Variants in OXCT1 observed in about 807,000 individuals in gnomAD.
OXCT1 encodes the protein succinyl-CoA:3-ketoacid coenzyme A transferase 1, mitochondrial.
Under a neutral mutation model 69.6 loss-of-function variants are expected in OXCT1, and 27 were observed. The ratio of observed to expected loss-of-function variants is 0.39; its 90% CI spans 0.29 to 0.54. OXCT1 has a LOEUF of 0.54. Ranked by LOEUF, OXCT1 falls within the 20% of genes least tolerant of loss-of-function variation. The pLI is 0.72. For missense variants in OXCT1, 437 were observed against 650.2 expected, an observed-to-expected ratio of 0.67 and a Z score of 3.57; for synonymous variants, 202 against 217.8, an observed-to-expected ratio of 0.93 and a Z score of 0.64.
intron 14 of OXCT1, among the ~76,000 whole-genome samples, chr5:41,751,539 A>G (rs1460550116): frequency 6.6e-6 from 1 of 152,138 alleles, no homozygotes; most frequent in Non-Finnish European, 1.5e-5. Context: ...CTGTCTCTGT[A>G]AGAGCCACAT....
rs777420070 is a variant in OXCT1 at position 41,786,121 on chromosome 5, G to A, written c.1248+7882C>T. 2.6e-5 allele frequency among the ~76,000 whole-genome samples: 4 copies of A among 152,166 alleles called. 1 individual carries two copies. ...GGACTCCACCGGTAAGAGTCTATAT[G>A]TTAAGTGGACCGCAGGAAAGTCAGA... On this transcript the variant is annotated intron_variant, in intron 13 of 16. Coordinates refer to ENST00000196371, the MANE Select transcript of OXCT1 (RefSeq NM_000436.4).
intron 7 of OXCT1, among the ~76,000 whole-genome samples, chr5:41,811,530 A>G (rs1746986557): frequency 1.3e-5 from 2 of 152,066 alleles, no homozygotes; most frequent in South Asian, 2.1e-4. Flanking sequence ...AATGAAGAGA[A>G]AAAATCCAAA....
At chr5:41,815,880 G>A (rs1747218076) in intron 7 of OXCT1, among the ~76,000 whole-genome samples, 1 of 152,158 alleles carries the variant, frequency 6.6e-6, no homozygotes, top group Admixed American at 6.5e-5. Flanking sequence ...TATTGGTAAT[G>A]CCAACTAAAA....
rs76740840 is a variant in OXCT1, at chr5:41,856,169, A to G, written c.279-2615T>C. 2.7e-3 allele frequency among the ~76,000 whole-genome samples: 410 copies of G among 152,350 alleles called. 2 individuals are homozygous for G. Among genetic ancestry groups the G allele is most frequent in the Middle Eastern group, 0.01 (3 of 294 alleles). ...TTGAAAGATGAAAGGCCGGGATATC[A>G]ATGAAGAGGCTCGAAGTAGTCCAAA... On this transcript the variant is annotated intron_variant, in intron 3 of 16. Transcript: ENST00000196371.
chr5:41,753,120 C>A (rs1394151627), intron 14 of OXCT1, among the ~76,000 whole-genome samples: 1 of 152,056 alleles, frequency 6.6e-6, no homozygotes, highest in African/African-American at 2.4e-5. Flanking sequence ...TGAACTTAAT[C>A]CCAAATCCAA....
intron 7 of OXCT1, among the ~76,000 whole-genome samples, chr5:41,818,922 T>TA (rs373863048): frequency 4.4e-4 from 64 of 143,874 alleles, no homozygotes; most frequent in East Asian, 1.0e-3. Context: ...GTGACTCGTT[T>TA]AAAAAAAAAA....
chr5:41,789,026 AC>A (rs1404810370), intron 13 of OXCT1, among the ~76,000 whole-genome samples: 3 of 152,372 alleles, frequency 2.0e-5, no homozygotes, highest in Admixed American at 2.0e-4. Flanking sequence ...AATGGGTCAT[AC>A]AAAAAATAAC....
chr5:41,766,705 C>A (rs1579690853), intron 13 of OXCT1, among the ~76,000 whole-genome samples: 1 of 151,874 alleles, frequency 6.6e-6, no homozygotes, highest in Non-Finnish European at 1.5e-5. Flanking sequence ...AAATAAAGTA[C>A]AAAACACACT....
At chr5:41,734,960 A>G (rs1742813423) in intron 16 of OXCT1, among the ~76,000 whole-genome samples, 1 of 152,208 alleles carries the variant, frequency 6.6e-6, no homozygotes, top group East Asian at 1.9e-4. Context: ...GTTGGCAAAG[A>G]TATGGAGAAA....
rs771118097 is a variant in OXCT1, at chr5:41,731,171, C to A, written c.*558G>T. 1.3e-5 allele frequency: 2 copies of A among 158,686 alleles called. No individual in the cohort carries two copies. The highest frequency in any genetic ancestry group is 2.7e-5 in the Non-Finnish European group (2 of 73,024). The allele number at this position is 158,686 out of a possible 1,614,324, so 9.8% of individuals were successfully genotyped here. ...CTAGTTATTTCTCCCTGCCCTCCCC[C>A]ACAAGAGGCATTCCTGCTTGCCTTC... On this transcript the variant is annotated 3_prime_UTR_variant, in exon 17 of 17. Transcript: ENST00000196371.
chr5:41,775,002 A>G (rs758625670), intron 13 of OXCT1, among the ~76,000 whole-genome samples: 1 of 152,206 alleles, frequency 6.6e-6, no homozygotes, highest in African/African-American at 2.4e-5. Context: ...TAAACATATG[A>G]TTAAATAAAT....
Position 41,731,037 on chromosome 5 carries a change from A to T in OXCT1, c.*692T>A, listed in dbSNP as rs1742594496. On this transcript the variant is annotated 3_prime_UTR_variant, in exon 17 of 17. Transcript: ENST00000196371. ...AGGACCCTTGAGGATACAAAGGAAT[A>T]CTGGGCTGTTTTAAAATGAGAAAAC... 1 of 152,438 alleles carries T rather than the reference A, an allele frequency of 6.6e-6. No homozygotes were observed. Among genetic ancestry groups the T allele is most frequent in the Non-Finnish European group, 1.5e-5 (1 of 68,212 alleles). The allele number at this position is 152,438 out of a possible 1,614,324, so 9.4% of individuals were successfully genotyped here.
rs990482926 is a variant in OXCT1, at chr5:41,837,230, C to T, written c.732+3221G>A. ...GGAGTGGGAAGATGCTGGCACAGAGCTTTAGGAGACAAGCTCTAATCCAGA... is the reference window on the plus strand; with the variant it reads ...GGAGTGGGAAGATGCTGGCACAGAGTTTTAGGAGACAAGCTCTAATCCAGA... On this transcript the variant is annotated intron_variant, in intron 7 of 16. Coordinates refer to ENST00000196371, the MANE Select transcript of OXCT1 (RefSeq NM_000436.4). Among the ~76,000 whole-genome samples, 5 of 151,156 alleles carry T rather than the reference C, an allele frequency of 3.3e-5. No homozygotes were observed. In the South Asian group the frequency reaches 1.0e-3, roughly 32 times the overall value.
rs568166884 is a variant in OXCT1, at chr5:41,829,156, CA to C, written c.732+11294del. On this transcript the variant is annotated intron_variant, in intron 7 of 16. Coordinates refer to ENST00000196371, the MANE Select transcript of OXCT1 (RefSeq NM_000436.4). ...GGAATATGCCCTATTTTTCACGAGGCAAAAAAATTCCACCCAGATATTTCTC... is the reference window on the plus strand; with the variant it reads ...GGAATATGCCCTATTTTTCACGAGGCAAAAAATTCCACCCAGATATTTCTC... Among the ~76,000 whole-genome samples the C allele has an allele frequency of 1.2e-3, 177 of 152,054 alleles. 1 individual carries two copies. The highest frequency in any genetic ancestry group is 4.1e-3 in the African/African-American group (172 of 41,494).
chr5:41,786,006 GA>G (rs1243017746), intron 13 of OXCT1, among the ~76,000 whole-genome samples: 2 of 152,298 alleles, frequency 1.3e-5, no homozygotes, highest in Non-Finnish European at 2.9e-5. Context: ...GGCAGTAGAA[GA>G]AATGTGAGTG....
Position 41,731,337 on chromosome 5 carries a change from C to CA in OXCT1, c.*391dup, listed in dbSNP as rs1742610362. The CA allele has an allele frequency of 9.8e-7, 1 of 1,016,968 alleles. No individual in the cohort carries two copies. The highest frequency in any genetic ancestry group is 5.1e-4 in the Middle Eastern group (1 of 1,976). 63.0% of individuals were successfully genotyped at this position (1,016,968 alleles called of 1,614,324 possible). On this transcript the variant is annotated 3_prime_UTR_variant, in exon 17 of 17. Coordinates refer to ENST00000196371, the MANE Select transcript of OXCT1 (RefSeq NM_000436.4). Reference sequence around the variant, plus strand: ...ATCATGACAGCAACTCTCCTAACCACAAAAATCACATATGTTATCTTTCTT... The same window carrying CA: ...ATCATGACAGCAACTCTCCTAACCACAAAAAATCACATATGTTATCTTTCTT...
chr5:41,778,208 G>T (rs1486018825), intron 13 of OXCT1, among the ~76,000 whole-genome samples: 2 of 152,118 alleles, frequency 1.3e-5, no homozygotes, highest in Non-Finnish European at 2.9e-5. Context: ...ATGTAAAAAA[G>T]TTACAGATGG....
Position 41,731,784 on chromosome 5 carries a change from A to G in OXCT1, c.1522-14T>C, listed in dbSNP as rs752100668. ...TTTTGGTGAAACCTGGTAAAAGAGG[A>G]AAAAAAAATCAAATTATGAAAAACT... On this transcript the variant is annotated splice_polypyrimidine_tract_variant and intron_variant, in intron 16 of 16. Coordinates refer to ENST00000196371, the MANE Select transcript of OXCT1 (RefSeq NM_000436.4). 33 of 1,596,078 alleles carry G rather than the reference A, an allele frequency of 2.1e-5. No individual in the cohort carries two copies. Among genetic ancestry groups the G allele is most frequent in the Admixed American group, 8.5e-5 (5 of 58,598 alleles).
At chr5:41,868,340 G>A (rs1750098922) in intron 1 of OXCT1, among the ~76,000 whole-genome samples, 1 of 152,170 alleles carries the variant, frequency 6.6e-6, no homozygotes, top group African/African-American at 2.4e-5. Context: ...TATGGTCTCT[G>A]CCATCGGGGA....
Sources: gnomAD v4.1 joint callset for allele counts (sites outside exome capture counted in the v4.1 genomes callset) on GRCh38, gnomAD v4.1.1 for gene constraint, MANE v1.5 for transcripts, NCBI Gene and HGNC (gene_info 2026-07-23, HGNC 2026-07-21) for gene names.